CDR2: variants seen among roughly 807,000 people sequenced by gnomAD.
The protein encoded by CDR2 is cerebellar degeneration-related protein 2.
CDR2 carries 34 observed loss-of-function variants against 48.4 expected under a neutral mutation model. The ratio of observed to expected loss-of-function variants is 0.70; its 90% CI spans 0.53 to 0.94. CDR2 has a LOEUF of 0.94. CDR2 is among the 40% of genes least tolerant of loss of function. The pLI is 0.00. For synonymous variants in CDR2, 240 were observed against 219.7 expected (o/e 1.09, Z -0.82); for missense variants, 498 against 549.5 (o/e 0.91, Z 0.94).
chr16:22,359,098 T>TA (rs2048995006), intron 2 of CDR2, among the ~76,000 whole-genome samples: 1 of 152,158 alleles, frequency 6.6e-6, no homozygotes, highest in East Asian at 1.9e-4. Flanking sequence ...TATATATCCA[T>TA]ACAAATTTTT....
rs2048918345 is a variant in CDR2, at chr16:22,347,891, GA to G, written c.507-69del. 9.2e-6 allele frequency: 13 copies of G among 1,406,502 alleles called. No homozygotes were observed. The South Asian group carries it at 1.8e-4, about 20-fold the overall frequency. The allele number at this position is 1,406,502 out of a possible 1,614,324, so 87.1% of individuals were successfully genotyped here. A position where few individuals can be genotyped will look rare whatever the true frequency, so the allele number is the denominator to read the frequency against. ...TGAAAATGACGAGAGGAAGACTGGT[GA>G]TTTTTTTTCAACTAAATAAATTTGA... is the stretch of plus-strand genomic sequence containing the variant. On this transcript the variant is annotated intron_variant, in intron 4 of 4. Coordinates refer to ENST00000268383, the MANE Select transcript of CDR2 (RefSeq NM_001802.2).
intron 2 of CDR2, among the ~76,000 whole-genome samples, chr16:22,361,839 T>C (rs1488826900): frequency 6.6e-6 from 1 of 151,996 alleles, no homozygotes; most frequent in Non-Finnish European, 1.5e-5. Context: ...CTCATGAATA[T>C]GTTTCCCGAA....
At chr16:22,370,289 T>C (rs141774587) in intron 1 of CDR2, among the ~76,000 whole-genome samples, 310 of 152,320 alleles carry the variant, frequency 2.0e-3, no homozygotes, top group African/African-American at 7.1e-3. Context: ...AAAACCTGAA[T>C]ATAAATATCA....
At chr16:22,362,311 T>C (rs932992098) in intron 2 of CDR2, among the ~76,000 whole-genome samples, 1 of 152,230 alleles carries the variant, frequency 6.6e-6, no homozygotes, top group Non-Finnish European at 1.5e-5. Flanking sequence ...TTTGTAGATT[T>C]AGAGAATCTC....
At chr16:22,359,573 C>T (rs891466244) in intron 2 of CDR2, among the ~76,000 whole-genome samples, 4 of 152,172 alleles carry the variant, frequency 2.6e-5, no homozygotes, top group Admixed American at 1.3e-4. Context: ...TCCATAATCT[C>T]ATCCCCTCAG....
intron 2 of CDR2, among the ~76,000 whole-genome samples, chr16:22,356,940 C>CAAAAAAAAAAAAAAAAAAAAAAAA (rs1047380020): frequency 3.5e-5 from 1 of 28,878 alleles, no homozygotes; most frequent in Non-Finnish European, 7.2e-5. Context: ...GACTCCATCT[C>CAAAAAAAAAAAAAAAAAAAAAAAA]AAAAAAAAAA....
intron 2 of CDR2, among the ~76,000 whole-genome samples, chr16:22,359,455 C>T (rs529144744): frequency 6.6e-6 from 1 of 152,294 alleles, no homozygotes; most frequent in South Asian, 2.1e-4. Context: ...CATTGGTAAA[C>T]TATGCAACGA....
chr16:22,355,605 C>T (rs1229793324), intron 2 of CDR2, among the ~76,000 whole-genome samples: 1 of 152,180 alleles, frequency 6.6e-6, no homozygotes. Flanking sequence ...AAAATGGAGT[C>T]ACTTGTGCTA....
chr16:22,352,005 T>G (rs903056385), intron 2 of CDR2, among the ~76,000 whole-genome samples: 1 of 152,178 alleles, frequency 6.6e-6, no homozygotes, highest in African/African-American at 2.4e-5. Context: ...CCCAACACTT[T>G]GGGAGGCCAA....
chr16:22,373,069 AAGG>A (rs1387097268), intron 1 of CDR2, among the ~76,000 whole-genome samples: 1 of 152,204 alleles, frequency 6.6e-6, no homozygotes, highest in Non-Finnish European at 1.5e-5. Flanking sequence ...CTGGAGTCTT[AAGG>A]AGAACCCTAG....
intron 1 of CDR2, chr16:22,365,235 G>A (rs1157192852): frequency 1.1e-5 from 5 of 443,718 alleles, no homozygotes; most frequent in Non-Finnish European, 1.2e-5. Context: ...AGTGAAAAAT[G>A]GTCATCTACT....
chr16:22,347,731 T>C lies in CDR2; in HGVS notation c.599A>G (p.Lys200Arg), dbSNP rs751405114. 6.2e-7 allele frequency: 1 copy of C among 1,614,128 alleles called. No individual in the cohort carries two copies. Among genetic ancestry groups the C allele is most frequent in the Non-Finnish European group, 8.5e-7 (1 of 1,180,020 alleles). ...CTGGGCCTGCAACATTGTCACTGTT[T>C]TTTTCAAGTGCTCATTTTCCTCTTC... ...PDEEENEHLKKTVTMLQAQLS... is the reference protein window; with the variant it reads ...PDEEENEHLKRTVTMLQAQLS... Residue 200 changes from lysine (K) to arginine (R), a missense_variant, in exon 5 of 5, where the codon AAA becomes AGA. By Grantham distance (26) the Lys-to-Arg change is conservative (BLOSUM62 2). Coordinates refer to ENST00000268383, the MANE Select transcript of CDR2 (RefSeq NM_001802.2).
rs181207311 is a variant in CDR2 at position 22,348,851 on chromosome 16, T to C, written c.506+428A>G. On this transcript the variant is annotated intron_variant, in intron 4 of 4. Transcript: ENST00000268383. Reference sequence around the variant, plus strand: ...TGCTCGCCAACCCTTGGGTCTAGCATACAGCTTGCCACACAAGTGTTCCAT... The same window carrying C: ...TGCTCGCCAACCCTTGGGTCTAGCACACAGCTTGCCACACAAGTGTTCCAT... Among the ~76,000 whole-genome samples the C allele has an allele frequency of 6.2e-4, 95 of 152,358 alleles. No individual in the cohort carries two copies. The East Asian group carries it at 0.017, about 27-fold the overall frequency.
chr16:22,356,949 AAAAG>A (rs1416194125), intron 2 of CDR2, among the ~76,000 whole-genome samples: 2,582 of 146,338 alleles, frequency 0.018, 47 homozygotes, highest in Middle Eastern at 0.029. Context: ...TCAAAAAAAA[AAAAG>A]AAAAAAAAAA....
chr16:22,367,618 A>G (rs2049051842), intron 1 of CDR2, among the ~76,000 whole-genome samples: 1 of 152,216 alleles, frequency 6.6e-6, no homozygotes, highest in South Asian at 2.1e-4. Flanking sequence ...TGATTTTTAA[A>G]CTTAATTTTT....
At chr16:22,349,500 C>T (rs547244620) in intron 3 of CDR2, 57 bp from the exon 4 acceptor site, 20 of 1,594,920 alleles carry the variant, frequency 1.3e-5, no homozygotes, top group South Asian at 3.3e-5. Context: ...AGGGCAAAAG[C>T]GGTGAGGAGA....
chr16:22,349,537 G>A, intron 3 of CDR2, 94 bp from the exon 4 acceptor site: 2 of 1,448,864 alleles, frequency 1.4e-6, no homozygotes, highest in South Asian at 2.5e-5. Context: ...CTCACACTGG[G>A]CTTTCTTAAT....
chr16:22,373,086 TC>T (rs2049089395), intron 1 of CDR2, among the ~76,000 whole-genome samples: 1 of 152,172 alleles, frequency 6.6e-6, no homozygotes, highest in African/African-American at 2.4e-5. Context: ...ACCCTAGCAC[TC>T]CCCAACATTA....
At chr16:22,350,210 T>C (rs2141843391) in intron 2 of CDR2, among the ~76,000 whole-genome samples, 1 of 150,868 alleles carries the variant, frequency 6.6e-6, no homozygotes, top group African/African-American at 2.4e-5. Context: ...AAAAGATACC[T>C]GCTGTTCTGC....
Sources: allele counts gnomAD v4.1 joint callset (sites outside exome capture counted in the v4.1 genomes callset), GRCh38; gene constraint gnomAD v4.1.1; transcripts MANE v1.5; gene names NCBI Gene and HGNC (gene_info 2026-07-23, HGNC 2026-07-21).